ADK: variants seen among roughly 807,000 people sequenced by gnomAD.
The protein encoded by ADK is N6,N6-dimethyladenosine kinase.
In ADK, 24 loss-of-function variants were observed where a neutral mutation model predicts 44.7. That is an observed-to-expected ratio of 0.54 (90% CI 0.39 to 0.76). The LOEUF is 0.76. Among genes scored for constraint, ADK ranks in the 30% least tolerant of loss-of-function variants. The pLI is 0.00. For missense variants in ADK, 321 were observed against 425.1 expected (o/e 0.76, Z 2.15); for synonymous variants, 128 against 142.6 (o/e 0.90, Z 0.73).
intron 3 of ADK, among the ~76,000 whole-genome samples, chr10:74,312,840 G>C (rs1186773355): frequency 1.4e-5 from 2 of 147,192 alleles, no homozygotes; most frequent in East Asian, 4.0e-4. Flanking sequence ...CTTGAGCCCA[G>C]GAGGTGGAGG....
intron 6 of ADK, among the ~76,000 whole-genome samples, chr10:74,436,924 C>G (rs1469441020): frequency 6.6e-6 from 1 of 152,040 alleles, no homozygotes; most frequent in Admixed American, 6.5e-5. Flanking sequence ...AGAAGTGAAA[C>G]TACTCTTATT....
chr10:74,230,638 C>G (rs1844723933), intron 3 of ADK, among the ~76,000 whole-genome samples: 1 of 151,952 alleles, frequency 6.6e-6, no homozygotes, highest in African/African-American at 2.4e-5. Flanking sequence ...CCTCTGCTCC[C>G]AAAGTGTTAT....
Position 74,612,839 on chromosome 10 carries a change from G to C in ADK, c.877+12346G>C, listed in dbSNP as rs567859467. Among the ~76,000 whole-genome samples, 28 of 152,074 alleles carry C rather than the reference G, an allele frequency of 1.8e-4. 1 individual carries two copies. In the East Asian group the frequency reaches 5.4e-3, roughly 29 times the overall value. On this transcript the variant is annotated intron_variant, in intron 9 of 10. Transcript: ENST00000539909. ...GGTAGGGGTCCAATTTCATTATTCT[G>C]CATATGGCTAGCCAGTTTTCCCAAT... is the stretch of plus-strand genomic sequence containing the variant.
At chr10:74,611,614 A>G (rs941383706) in intron 9 of ADK, among the ~76,000 whole-genome samples, 1 of 151,928 alleles carries the variant, frequency 6.6e-6, no homozygotes, top group South Asian at 2.1e-4. Context: ...AACAGTGAAT[A>G]TAATACCCAA....
chr10:74,225,446 C>T (rs1200238756), intron 3 of ADK, among the ~76,000 whole-genome samples: 1 of 152,134 alleles, frequency 6.6e-6, no homozygotes, highest in Non-Finnish European at 1.5e-5. Flanking sequence ...TTCACTTGTA[C>T]TCATTTATAG....
rs560238926 is a variant in ADK, at chr10:74,318,045, G to A, written c.273+3300G>A. Among the ~76,000 whole-genome samples, 7 of 152,290 alleles carry A rather than the reference G, an allele frequency of 4.6e-5. No homozygotes were observed. In the East Asian group the frequency reaches 1.4e-3, roughly 29 times the overall value. ...TCCACCCGCCTCGGCTTCCCAAAGT[G>A]CTGGGATTACAGGCATGAGCCACCG... On this transcript the variant is annotated intron_variant, in intron 4 of 10. Coordinates refer to ENST00000539909, the MANE Select transcript of ADK (RefSeq NM_006721.4).
At chr10:74,466,902 C>T (rs1181454324) in intron 6 of ADK, among the ~76,000 whole-genome samples, 2 of 152,152 alleles carry the variant, frequency 1.3e-5, no homozygotes, top group East Asian at 3.9e-4. Flanking sequence ...AAATCTCAAT[C>T]CACTTTAACA....
chr10:74,554,450 G>A (rs1850162152), intron 7 of ADK, among the ~76,000 whole-genome samples: 1 of 151,976 alleles, frequency 6.6e-6, no homozygotes, highest in Non-Finnish European at 1.5e-5. Context: ...AATACATCCT[G>A]TTTATTTAAT....
chr10:74,204,572 G>T (rs917955169), intron 2 of ADK, among the ~76,000 whole-genome samples: 9 of 152,136 alleles, frequency 5.9e-5, no homozygotes, highest in African/African-American at 2.2e-4. Flanking sequence ...TGTGCTGGGG[G>T]TCTAGGATAA....
intron 3 of ADK, among the ~76,000 whole-genome samples, chr10:74,307,910 A>G (rs1454461703): frequency 6.6e-6 from 1 of 152,150 alleles, no homozygotes; most frequent in East Asian, 1.9e-4. Context: ...TACTCATCTA[A>G]TTTTGAGAAC....
At chr10:74,704,099 G>T (rs1437346820) in intron 10 of ADK, among the ~76,000 whole-genome samples, 1 of 152,124 alleles carries the variant, frequency 6.6e-6, no homozygotes, top group Admixed American at 6.6e-5. Context: ...GACAAATATT[G>T]TATGATCTCA....
At chr10:74,534,419 A>G (rs2133690123) in intron 7 of ADK, among the ~76,000 whole-genome samples, 1 of 152,200 alleles carries the variant, frequency 6.6e-6, no homozygotes, top group East Asian at 1.9e-4. Flanking sequence ...ATCACCATAT[A>G]TGAAACTTCT....
intron 6 of ADK, among the ~76,000 whole-genome samples, chr10:74,441,655 T>C (rs1845409671): frequency 1.3e-5 from 2 of 152,136 alleles, no homozygotes; most frequent in Admixed American, 6.5e-5. Flanking sequence ...GGTCTTGCAA[T>C]GACTTTTTAT....
At chr10:74,531,717 A>T (rs377674403) in intron 7 of ADK, among the ~76,000 whole-genome samples, 7 of 152,134 alleles carry the variant, frequency 4.6e-5, no homozygotes, top group South Asian at 4.2e-4. Context: ...ATTTTTGTAG[A>T]GAGGAGGTCT....
At chr10:74,557,375 G>T (rs996073503) in intron 7 of ADK, among the ~76,000 whole-genome samples, 1 of 152,106 alleles carries the variant, frequency 6.6e-6, no homozygotes, top group African/African-American at 2.4e-5. Context: ...GGATACTTCT[G>T]TGTCTATATA....
chr10:74,602,504 T>C (rs1300582983), intron 9 of ADK, among the ~76,000 whole-genome samples: 4 of 152,212 alleles, frequency 2.6e-5, no homozygotes, highest in Non-Finnish European at 5.9e-5. Flanking sequence ...TTTGCAGTTT[T>C]CCCAAAATTG....
chr10:74,244,327 T>C (rs1251686964), intron 3 of ADK, among the ~76,000 whole-genome samples: 1 of 152,212 alleles, frequency 6.6e-6, no homozygotes, highest in African/African-American at 2.4e-5. Context: ...GAAAAATGAA[T>C]ATAGAACTTC....
At chr10:74,194,835 A>C (rs1843065274) in intron 1 of ADK, among the ~76,000 whole-genome samples, 1 of 152,224 alleles carries the variant, frequency 6.6e-6, no homozygotes, top group African/African-American at 2.4e-5. Context: ...CTGGTGTAAC[A>C]GTTAAAGGCA....
chr10:74,523,067 T>C (rs1848902678), intron 6 of ADK, among the ~76,000 whole-genome samples: 1 of 152,052 alleles, frequency 6.6e-6, no homozygotes, highest in Non-Finnish European at 1.5e-5. Context: ...CTTCATCACA[T>C]GTAAGCTGTG....
Sources: gnomAD v4.1 joint callset for allele counts (sites outside exome capture counted in the v4.1 genomes callset) on GRCh38, gnomAD v4.1.1 for gene constraint, MANE v1.5 for transcripts, NCBI Gene and HGNC (gene_info 2026-07-23, HGNC 2026-07-21) for gene names.